The following TMTC2 variants were observed in gnomAD, a reference collection of about 807,000 sequenced individuals.
TMTC2 encodes the protein protein O-mannosyl-transferase TMTC2.
In TMTC2, 43 loss-of-function variants were observed where a neutral mutation model predicts 82.4. The observed-to-expected ratio is 0.52, with a 90% CI of 0.41 to 0.67. TMTC2 has a LOEUF of 0.67. Among genes scored for constraint, TMTC2 ranks in the 30% least tolerant of loss-of-function variants. The probability of loss-of-function intolerance (pLI) is 0.00; values close to 1 mark genes in which losing one functional copy is unlikely to be tolerated. For synonymous variants in TMTC2, 408 were observed against 381.9 expected (o/e 1.07, Z -0.80); for missense variants, 919 against 1,012.4 (o/e 0.91, Z 1.25).
chr12:82,803,168 A>G (rs1879089707), intron 1 of TMTC2, among the ~76,000 whole-genome samples: 1 of 152,160 alleles, frequency 6.6e-6, no homozygotes, highest in Non-Finnish European at 1.5e-5. Context: ...CCAGTATGAT[A>G]TTGTATCCAG....
intron 1 of TMTC2, among the ~76,000 whole-genome samples, chr12:82,777,881 CTCTT>C (rs1222132661): frequency 2.6e-5 from 4 of 152,196 alleles, no homozygotes; most frequent in Admixed American, 1.3e-4. Flanking sequence ...GCCATTTTCT[CTCTT>C]TCTGCCTGCC....
chr12:83,091,220 A>AGC (rs1160201645), intron 11 of TMTC2, among the ~76,000 whole-genome samples: 1 of 152,192 alleles, frequency 6.6e-6, no homozygotes. Flanking sequence ...AAGATGGTGA[A>AGC]GCATAACCAA....
intron 2 of TMTC2, among the ~76,000 whole-genome samples, chr12:82,865,670 A>G (rs1463124407): frequency 1.3e-5 from 2 of 152,210 alleles, no homozygotes; most frequent in African/African-American, 4.8e-5. Flanking sequence ...CCTAATAGAC[A>G]TCTACAGAAC....
chr12:83,130,366 A>G (rs939060274), intron 11 of TMTC2, among the ~76,000 whole-genome samples: 7 of 152,194 alleles, frequency 4.6e-5, no homozygotes, highest in African/African-American at 1.7e-4. Context: ...TCAGTTTCCA[A>G]TGTGGAGCTT....
intron 8 of TMTC2, among the ~76,000 whole-genome samples, chr12:83,009,533 C>T (rs962046809): frequency 2.0e-5 from 3 of 152,124 alleles, no homozygotes; most frequent in Non-Finnish European, 4.4e-5. Flanking sequence ...CTTTCAAACT[C>T]AGTTCTCTGA....
chr12:82,712,484 T>C (rs943001311), intron 1 of TMTC2, among the ~76,000 whole-genome samples: 6 of 149,472 alleles, frequency 4.0e-5, no homozygotes, highest in Non-Finnish European at 8.9e-5. Context: ...GTGTGAGTGC[T>C]GCTTTTTGTA....
chr12:83,095,529 C>T (rs960183697), intron 11 of TMTC2, among the ~76,000 whole-genome samples: 12 of 152,066 alleles, frequency 7.9e-5, no homozygotes, highest in African/African-American at 4.8e-5. Flanking sequence ...CATGAGCCAT[C>T]GCAAAATTTT....
chr12:82,788,482 T>A (rs769810305), intron 1 of TMTC2, among the ~76,000 whole-genome samples: 2 of 152,032 alleles, frequency 1.3e-5, no homozygotes, highest in South Asian at 2.1e-4. Context: ...AAGAGCACAG[T>A]GGGGTTGCTT....
chr12:82,765,808 AAAAG>A, intron 1 of TMTC2, among the ~76,000 whole-genome samples: 1 of 152,348 alleles, frequency 6.6e-6, no homozygotes, highest in Non-Finnish European at 1.5e-5. Context: ...ATTTGTCAGA[AAAAG>A]AAAAGAAGAA....
At chr12:82,969,776 A>G (rs901060010) in intron 7 of TMTC2, among the ~76,000 whole-genome samples, 2 of 152,198 alleles carry the variant, frequency 1.3e-5, no homozygotes, top group African/African-American at 4.8e-5. Context: ...TTAAAAGCCT[A>G]TTCTCATTTA....
At chr12:82,722,398 C>CAAAAAAA in intron 1 of TMTC2, among the ~76,000 whole-genome samples, 1 of 102,588 alleles carries the variant, frequency 9.7e-6, no homozygotes, top group Non-Finnish European at 1.8e-5. Context: ...ACTAAAAATA[C>CAAAAAAA]AAAAAAAAAA....
intron 11 of TMTC2, 83 bp from the exon 12 acceptor site, chr12:83,132,127 A>AT: frequency 6.8e-7 from 1 of 1,469,974 alleles, no homozygotes; most frequent in Middle Eastern, 1.8e-4. Context: ...AATTATTTGC[A>AT]TAAGTGGATG....
At chr12:82,740,976 T>C (rs1202949559) in intron 1 of TMTC2, among the ~76,000 whole-genome samples, 1 of 152,180 alleles carries the variant, frequency 6.6e-6, no homozygotes, top group East Asian at 1.9e-4. Context: ...TGTCTTGATG[T>C]GAAGGAGGTG....
At chr12:83,043,928 C>T (rs1006645971) in intron 9 of TMTC2, among the ~76,000 whole-genome samples, 13 of 151,976 alleles carry the variant, frequency 8.6e-5, no homozygotes, top group East Asian at 3.9e-4. Flanking sequence ...TGAATTGTTC[C>T]GAAATTAAAA....
At chr12:82,687,744 A>G in intron 1 of TMTC2, 75 bp downstream of exon 1, 2 of 1,435,972 alleles carry the variant, frequency 1.4e-6, no homozygotes, top group East Asian at 2.3e-5. Context: ...TCCCTCTTTA[A>G]GGCTCAAAGT....
chr12:82,803,664 C>T (rs148861600), intron 1 of TMTC2, among the ~76,000 whole-genome samples: 26 of 152,182 alleles, frequency 1.7e-4, no homozygotes, highest in African/African-American at 5.8e-4. Flanking sequence ...GCATACACCT[C>T]CAGTAAACAC....
intron 2 of TMTC2, among the ~76,000 whole-genome samples, chr12:82,875,936 A>G (rs2137144770): frequency 6.7e-6 from 1 of 149,186 alleles, no homozygotes; most frequent in Admixed American, 6.7e-5. Context: ...AAAACTGAGC[A>G]GTAAATGTTG....
At chr12:83,089,254 A>G (rs900196901) in intron 11 of TMTC2, among the ~76,000 whole-genome samples, 4 of 152,164 alleles carry the variant, frequency 2.6e-5, no homozygotes, top group Admixed American at 2.0e-4. Flanking sequence ...GTACTATTTT[A>G]TAAAACTCTA....
chr12:82,703,723 G>A (rs559699577), intron 1 of TMTC2, among the ~76,000 whole-genome samples: 20 of 152,052 alleles, frequency 1.3e-4, no homozygotes, highest in South Asian at 8.3e-4. Flanking sequence ...TCCTGACCTC[G>A]TGATCCGCCC....
Sources: gnomAD v4.1 joint callset for allele counts (sites outside exome capture counted in the v4.1 genomes callset) on GRCh38, gnomAD v4.1.1 for gene constraint, MANE v1.5 for transcripts, NCBI Gene and HGNC (gene_info 2026-07-23, HGNC 2026-07-21) for gene names.